GRID1: variants seen among roughly 807,000 people sequenced by gnomAD.
GRID1 encodes glutamate ionotropic receptor delta type subunit 1.
GRID1 carries 28 observed loss-of-function variants against 98.0 expected under a neutral mutation model. That is an observed-to-expected ratio of 0.29 (90% CI 0.21 to 0.39). GRID1 has a LOEUF of 0.39. Ranked by LOEUF, GRID1 falls within the 10% of genes least tolerant of loss-of-function variation. The pLI is 1.00. For missense variants in GRID1, 1,111 were observed against 1,340.5 expected (o/e 0.83, Z 2.67); for synonymous variants, 553 against 538.5 (o/e 1.03, Z -0.37).
intron 3 of GRID1, among the ~76,000 whole-genome samples, chr10:86,154,473 C>G (rs1180124825): frequency 6.6e-6 from 1 of 152,138 alleles, no homozygotes. Flanking sequence ...CCAAGGGCCA[C>G]AGTCCACACC....
chr10:86,090,981 T>C (rs1288616473), intron 4 of GRID1, among the ~76,000 whole-genome samples: 1 of 152,202 alleles, frequency 6.6e-6, no homozygotes, highest in East Asian at 1.9e-4. Context: ...CAGAAGGCCC[T>C]GGGAGCTCAC....
In GRID1 at chr10:85,726,682, G is replaced by A. The variant is rs117908800; in HGVS notation, c.1533+1173C>T. On this transcript the variant is annotated intron_variant, in intron 10 of 15. Transcript: ENST00000327946. Reference sequence around the variant, plus strand: ...CCAGACACAAAAGACCACATCTTGTGTGACTCCATTTACACAAAATGTTCA... The same window carrying A: ...CCAGACACAAAAGACCACATCTTGTATGACTCCATTTACACAAAATGTTCA... Among the ~76,000 whole-genome samples, 810 of 152,230 alleles carry A rather than the reference G, an allele frequency of 5.3e-3. 12 individuals are homozygous for A. In the South Asian group the frequency reaches 0.056, roughly 11 times the overall value.
At chr10:86,225,078 G>A (rs571744699) in intron 2 of GRID1, among the ~76,000 whole-genome samples, 1 of 152,336 alleles carries the variant, frequency 6.6e-6, no homozygotes, top group South Asian at 2.1e-4. Context: ...CACATAGAAA[G>A]CATCGATTTT....
At position 85,943,859 on chromosome 10, in the gene GRID1, G is replaced by A. The variant is rs116338169; in HGVS notation, c.727-27620C>T. On this transcript the variant is annotated intron_variant, in intron 4 of 15. Coordinates refer to ENST00000327946, the MANE Select transcript of GRID1 (RefSeq NM_017551.3). The stretch of plus-strand genomic sequence containing the variant: ...CACGATTCTCCCTCCCATCAGGAGA[G>A]ATATCTACTTCCCCAAGCCCGGAGT... 5.7e-3 allele frequency among the ~76,000 whole-genome samples: 867 copies of A among 152,342 alleles called. 7 individuals carry two copies. The highest frequency in any genetic ancestry group is 0.019 in the African/African-American group (786 of 41,586).
chr10:85,818,828 G>C (rs573048313), intron 8 of GRID1, among the ~76,000 whole-genome samples: 32 of 151,876 alleles, frequency 2.1e-4, no homozygotes, highest in African/African-American at 7.7e-4. Context: ...AGCGAGTCTC[G>C]TGCCTCAGCC....
rs1177933164 is a variant in GRID1 at position 85,613,888 on chromosome 10, C to T, written c.2361-241G>A. 2.0e-5 allele frequency among the ~76,000 whole-genome samples: 3 copies of T among 152,200 alleles called. No homozygotes were observed. In the East Asian group the frequency reaches 5.8e-4, roughly 29 times the overall value. Reference sequence around the variant, plus strand: ...CAACAGCCCCTCTGCCCTCTCCCACCCTATTCCACTGCCCAAGGATAAAGT... The same window carrying T: ...CAACAGCCCCTCTGCCCTCTCCCACTCTATTCCACTGCCCAAGGATAAAGT... On this transcript the variant is annotated intron_variant, in intron 14 of 15. Coordinates refer to ENST00000327946, the MANE Select transcript of GRID1 (RefSeq NM_017551.3).
chr10:86,253,759 C>G (rs936987232), intron 2 of GRID1, among the ~76,000 whole-genome samples: 7 of 152,196 alleles, frequency 4.6e-5, no homozygotes, highest in Non-Finnish European at 5.9e-5. Flanking sequence ...CCGTGTTAGC[C>G]AGCTAGAAGG....
chr10:85,793,177 G>A (rs763020798), intron 8 of GRID1, among the ~76,000 whole-genome samples: 20 of 152,182 alleles, frequency 1.3e-4, no homozygotes, highest in African/African-American at 2.2e-4. Flanking sequence ...CCAGCCATGC[G>A]AAATCCACTG....
At chr10:85,821,539 A>AAAAAAAAGAAAACAAAC (rs770693495) in intron 8 of GRID1, among the ~76,000 whole-genome samples, 1 of 97,594 alleles carries the variant, frequency 1.0e-5, no homozygotes, top group African/African-American at 3.9e-5. Context: ...AAAAAAAAAA[A>AAAAAAAAGAAAACAAAC]AAAAAAGAAA....
intron 8 of GRID1, among the ~76,000 whole-genome samples, chr10:85,772,374 A>T (rs1188350033): frequency 6.6e-6 from 1 of 151,664 alleles, no homozygotes; most frequent in African/African-American, 2.4e-5. Context: ...AAAGCAGGAA[A>T]GATCCAAAAT....
At chr10:85,697,422 T>C (rs1375811349) in intron 12 of GRID1, among the ~76,000 whole-genome samples, 1 of 152,184 alleles carries the variant, frequency 6.6e-6, no homozygotes, top group African/African-American at 2.4e-5. Context: ...CTGATATTGA[T>C]ATAGCCTCAC....
intron 5 of GRID1, among the ~76,000 whole-genome samples, chr10:85,888,129 A>G (rs957050666): frequency 6.6e-6 from 1 of 152,226 alleles, no homozygotes; most frequent in Non-Finnish European, 1.5e-5. Flanking sequence ...TAAATGAGCC[A>G]TTGTTTGAAA....
chr10:86,010,066 T>C (rs1276894351), intron 4 of GRID1, among the ~76,000 whole-genome samples: 2 of 152,106 alleles, frequency 1.3e-5, no homozygotes, highest in African/African-American at 4.8e-5. Context: ...CAAACACCCA[T>C]GAAAAGACAA....
intron 2 of GRID1, among the ~76,000 whole-genome samples, chr10:86,332,295 G>C (rs557600637): frequency 5.3e-5 from 8 of 152,316 alleles, no homozygotes; most frequent in African/African-American, 1.9e-4. Context: ...GGCAAGAACA[G>C]CCCCTGGAGA....
chr10:85,827,603 G>C (rs1422726290), intron 8 of GRID1, among the ~76,000 whole-genome samples: 1 of 151,826 alleles, frequency 6.6e-6, no homozygotes, highest in Non-Finnish European at 1.5e-5. Context: ...GTCCATGAAG[G>C]TATCTAACCT....
intron 4 of GRID1, among the ~76,000 whole-genome samples, chr10:85,938,995 T>C (rs547382779): frequency 6.6e-6 from 1 of 152,384 alleles, no homozygotes; most frequent in Non-Finnish European, 1.5e-5. Context: ...GATTAGTTTG[T>C]AAACGGATGC....
At chr10:85,747,876 T>C (rs1842012062) in intron 8 of GRID1, among the ~76,000 whole-genome samples, 1 of 152,174 alleles carries the variant, frequency 6.6e-6, no homozygotes, top group South Asian at 2.1e-4. Context: ...AGAAGGTGAA[T>C]AGTACTTGCT....
intron 8 of GRID1, among the ~76,000 whole-genome samples, chr10:85,840,439 C>A (rs557134866): frequency 6.6e-6 from 1 of 152,116 alleles, no homozygotes; most frequent in African/African-American, 2.4e-5. Flanking sequence ...GACAAGGATG[C>A]GCTCTCTCAC....
chr10:85,985,209 C>T (rs1842594468), intron 4 of GRID1, among the ~76,000 whole-genome samples: 1 of 152,196 alleles, frequency 6.6e-6, no homozygotes, highest in Admixed American at 6.5e-5. Flanking sequence ...ATGTTTCTAT[C>T]TCAAGTTGCC....
Sources: allele counts gnomAD v4.1 joint callset (sites outside exome capture counted in the v4.1 genomes callset), GRCh38; gene constraint gnomAD v4.1.1; transcripts MANE v1.5; gene names NCBI Gene and HGNC (gene_info 2026-07-23, HGNC 2026-07-21).